DCDC2C: variants seen among roughly 807,000 people sequenced by gnomAD.
The protein encoded by DCDC2C is doublecortin domain containing 2C, also known as doublecortin domain-containing protein 2C.
Under a neutral mutation model 45.0 loss-of-function variants are expected in DCDC2C, and 44 were observed. That is an observed-to-expected ratio of 0.98 (90% CI 0.77 to 1.26). DCDC2C has a LOEUF of 1.26. Ranked by LOEUF, DCDC2C falls within the 50% of genes most tolerant of loss-of-function variation. DCDC2C has a pLI of 0.00. For missense variants in DCDC2C, 447 were observed against 468.9 expected (o/e 0.95, Z 0.43); for synonymous variants, 187 against 178.8 (o/e 1.05, Z -0.37).
intron 10 of DCDC2C, among the ~76,000 whole-genome samples, chr2:3,836,728 G>A (rs763879491): frequency 6.6e-6 from 1 of 152,144 alleles, no homozygotes; most frequent in Admixed American, 6.5e-5. Flanking sequence ...CGGGCACGGT[G>A]GCGGGCACCT....
intron 10 of DCDC2C, among the ~76,000 whole-genome samples, chr2:3,785,873 A>C (rs1048618805): frequency 6.6e-6 from 1 of 152,118 alleles, no homozygotes; most frequent in African/African-American, 2.4e-5. Flanking sequence ...TGGGGACTTG[A>C]ATCAGCTCTG....
At chr2:3,752,194 C>T (rs1352079817) in intron 4 of DCDC2C, among the ~76,000 whole-genome samples, 1 of 152,174 alleles carries the variant, frequency 6.6e-6, no homozygotes, top group African/African-American at 2.4e-5. Flanking sequence ...TTTGGGGAGG[C>T]AGAGACTTTC....
intron 2 of DCDC2C, among the ~76,000 whole-genome samples, chr2:3,724,116 G>A (rs1017247282): frequency 5.9e-5 from 9 of 152,212 alleles, no homozygotes; most frequent in South Asian, 2.1e-4. Flanking sequence ...ACTCTGTAAC[G>A]CACGATGAGA....
At chr2:3,773,385 C>G (rs1478777271) in intron 8 of DCDC2C, among the ~76,000 whole-genome samples, 1 of 152,146 alleles carries the variant, frequency 6.6e-6, no homozygotes, top group Non-Finnish European at 1.5e-5. Context: ...ACCCCTCCCC[C>G]ACCATCTCCA....
chr2:3,727,093 T>G lies in DCDC2C; in HGVS notation c.416+14T>G. The G allele has an allele frequency of 6.5e-7, 1 of 1,542,562 alleles. No homozygotes were observed. The highest frequency in any genetic ancestry group is 1.4e-5 in the African/African-American group (1 of 72,954). Reference sequence around the variant, plus strand: ...TCGACATATAAAGTGAGTATAATATTATGGGTGAAAAAATCAAACTGTGCC... The same window carrying G: ...TCGACATATAAAGTGAGTATAATATGATGGGTGAAAAAATCAAACTGTGCC... On this transcript the variant is annotated intron_variant, in intron 3 of 10. Coordinates refer to ENST00000399143, the MANE Select transcript of DCDC2C (RefSeq NM_001287444.2).
chr2:3,754,768 G>A, intron 6 of DCDC2C, 134 bp downstream of exon 6: 1 of 698,606 alleles, frequency 1.4e-6, no homozygotes, highest in South Asian at 2.0e-5. Context: ...GCCAGCATCA[G>A]TGCCAGGCTT....
chr2:3,797,377 T>C (rs1262029334), intron 10 of DCDC2C, among the ~76,000 whole-genome samples: 1 of 152,038 alleles, frequency 6.6e-6, no homozygotes, highest in Non-Finnish European at 1.5e-5. Flanking sequence ...CCTTCAGTTC[T>C]GCTCTGATTT....
intron 10 of DCDC2C, among the ~76,000 whole-genome samples, chr2:3,846,623 T>G (rs968797): frequency 0.57 from 87,405 of 152,036 alleles, 25,268 homozygotes; most frequent in South Asian, 0.73. Context: ...TTTAAAAAAT[T>G]TAAAATGTCG....
chr2:3,808,280 C>CT (rs1233871969), intron 10 of DCDC2C, among the ~76,000 whole-genome samples: 1 of 152,230 alleles, frequency 6.6e-6, no homozygotes, highest in African/African-American at 2.4e-5. Context: ...TCCTTAATAA[C>CT]TAATGACATT....
At chr2:3,789,299 T>A (rs1213839259) in intron 10 of DCDC2C, among the ~76,000 whole-genome samples, 1 of 152,232 alleles carries the variant, frequency 6.6e-6, no homozygotes. Flanking sequence ...CCTGCCCTAT[T>A]TCCAGACTTC....
intron 10 of DCDC2C, among the ~76,000 whole-genome samples, chr2:3,801,426 A>G (rs548712360): frequency 1.8e-3 from 276 of 152,384 alleles, no homozygotes; most frequent in African/African-American, 6.3e-3. Context: ...GGAAGAACTC[A>G]GTCATCATTA....
intron 6 of DCDC2C, among the ~76,000 whole-genome samples, chr2:3,758,139 C>T (rs1669774431): frequency 6.6e-6 from 1 of 152,222 alleles, no homozygotes; most frequent in South Asian, 2.1e-4. Context: ...AAAACTGTGA[C>T]ATTCCCAGTG....
Position 3,818,941 on chromosome 2 carries a change from G to A in DCDC2C, c.1066-28213G>A, listed in dbSNP as rs777940747. ...GAGTGCATAAAAGAATATTGTTTACGTTGGCACCAGAGTTGTGGAGTTTTA... is the reference window on the plus strand; with the variant it reads ...GAGTGCATAAAAGAATATTGTTTACATTGGCACCAGAGTTGTGGAGTTTTA... On this transcript the variant is annotated intron_variant, in intron 10 of 10. Coordinates refer to ENST00000399143, the MANE Select transcript of DCDC2C (RefSeq NM_001287444.2). The surrounding 1 kb of genome is among the most constrained non-coding windows in gnomAD (Gnocchi z 4.7). Among the ~76,000 whole-genome samples the A allele has an allele frequency of 3.9e-5, 6 of 152,168 alleles. No individual in the cohort carries two copies. The highest frequency in any genetic ancestry group is 5.9e-5 in the Non-Finnish European group (4 of 68,042).
intron 10 of DCDC2C, among the ~76,000 whole-genome samples, chr2:3,840,527 C>T (rs558854878): frequency 1.8e-4 from 28 of 152,302 alleles, no homozygotes; most frequent in African/African-American, 6.3e-4. Flanking sequence ...GTAATAAAAG[C>T]ATAGTTGTAT....
At chr2:3,719,037 C>T (rs1267817527) in intron 2 of DCDC2C, among the ~76,000 whole-genome samples, 1 of 151,996 alleles carries the variant, frequency 6.6e-6, no homozygotes, top group Non-Finnish European at 1.5e-5. Context: ...GCTGGCTTCA[C>T]CTCTCACTAT....
chr2:3,833,711 AG>A (rs1242200164), intron 10 of DCDC2C, among the ~76,000 whole-genome samples: 1 of 152,268 alleles, frequency 6.6e-6, no homozygotes, highest in Non-Finnish European at 1.5e-5. Flanking sequence ...TAGGAGGTCT[AG>A]CTTACTTAAA....
chr2:3,821,368 G>GT lies in DCDC2C; in HGVS notation c.1066-25777dup, dbSNP rs200131147. The stretch of plus-strand genomic sequence containing the variant: ...TGTCTGTAAATCAAGACCATATTAT[G>GT]TTTTTTTTTCCTATGTGGATGCTTT... On this transcript the variant is annotated intron_variant, in intron 10 of 10. Coordinates refer to ENST00000399143, the MANE Select transcript of DCDC2C (RefSeq NM_001287444.2). 3.5e-4 allele frequency among the ~76,000 whole-genome samples: 53 copies of GT among 151,628 alleles called. No homozygotes were observed. In the East Asian group the frequency reaches 6.0e-3, roughly 17 times the overall value.
chr2:3,800,935 A>G (rs1400476124), intron 10 of DCDC2C, among the ~76,000 whole-genome samples: 1 of 151,996 alleles, frequency 6.6e-6, no homozygotes, highest in Non-Finnish European at 1.5e-5. Flanking sequence ...GAGGCCAATG[A>G]CTCTTAGTAC....
intron 10 of DCDC2C, among the ~76,000 whole-genome samples, chr2:3,791,665 C>T (rs935306990): frequency 5.9e-5 from 9 of 152,204 alleles, no homozygotes; most frequent in African/African-American, 2.2e-4. Flanking sequence ...GATTTGCTTC[C>T]CAGCTTCCCC....
Sources: gnomAD v4.1 joint callset for allele counts (sites outside exome capture counted in the v4.1 genomes callset) on GRCh38, gnomAD v4.1.1 for gene constraint, Gnocchi (gnomAD v3.1) non-coding constraint, MANE v1.5 for transcripts, NCBI Gene and HGNC (gene_info 2026-07-23, HGNC 2026-07-21) for gene names.